The following AHRR variants were observed in gnomAD, a reference collection of about 807,000 sequenced individuals.
AHRR encodes the protein ahR repressor.
A neutral mutation model predicts 44.0 loss-of-function variants in AHRR; 28 were observed. The ratio of observed to expected loss-of-function variants is 0.64; its 90% CI spans 0.47 to 0.87. The LOEUF (loss-of-function observed/expected upper bound fraction) is 0.87, where lower values mean the gene tolerates loss of function less well. Among genes scored for constraint, AHRR ranks in the 40% least tolerant of loss-of-function variants. AHRR has a pLI of 0.00. For synonymous variants in AHRR, 434 were observed against 407.0 expected, an observed-to-expected ratio of 1.07 and a Z score of -0.80; for missense variants, 990 against 953.9, an observed-to-expected ratio of 1.04 and a Z score of -0.50.
At chr5:407,832 C>G (rs769164621) in intron 4 of AHRR, among the ~76,000 whole-genome samples, 4 of 152,218 alleles carry the variant, frequency 2.6e-5, no homozygotes, top group Non-Finnish European at 5.9e-5. Flanking sequence ...CCACTGAGCC[C>G]GGCCTTACTT....
Position 433,694 on chromosome 5 carries a change from G to C in AHRR, c.1113-159G>C, listed in dbSNP as rs559049667. 2.2e-4 allele frequency among the ~76,000 whole-genome samples: 34 copies of C among 152,216 alleles called. No homozygotes were observed. The South Asian group carries it at 2.5e-3, about 11-fold the overall frequency. On this transcript the variant is annotated intron_variant, in intron 10 of 10. Coordinates refer to ENST00000684583, the MANE Select transcript of AHRR (RefSeq NM_001377236.1). ...GCTGGCACAGCCTCCTGGGCTGCTG[G>C]GGGGGTTAGAAGGCACAGCGCAGTG...
At position 405,513 on chromosome 5, in the gene AHRR, C is replaced by T. The variant is rs1358544561; in HGVS notation, c.352-7831C>T. Among the ~76,000 whole-genome samples, 2 of 152,190 alleles carry T rather than the reference C, an allele frequency of 1.3e-5. No individual in the cohort carries two copies. Among genetic ancestry groups the T allele is most frequent in the Admixed American group, 6.5e-5 (1 of 15,278 alleles). ...GACATCTTCCTCCGAGTGGGAGGTG[C>T]TTTGTGAGACTTGGGTTTCTTGCTC... On this transcript the variant is annotated intron_variant, in intron 4 of 10. Coordinates refer to ENST00000684583, the MANE Select transcript of AHRR (RefSeq NM_001377236.1). This position sits in a 1 kb window ranked among gnomAD's most constrained non-coding sequence, Gnocchi z 4.5.
chr5:420,942 A>C (rs72711370), intron 5 of AHRR: 80,733 of 204,178 alleles, frequency 0.4, 12,389 homozygotes, highest in Non-Finnish European at 0.46. Flanking sequence ...CCACCCACCC[A>C]CACAGGCGCA....
intron 4 of AHRR, among the ~76,000 whole-genome samples, chr5:389,648 C>T (rs1004125073): frequency 6.6e-6 from 1 of 151,926 alleles, no homozygotes; most frequent in African/African-American, 2.4e-5. Flanking sequence ...CCCAGACCAG[C>T]GTCAGAGCAC....
rs1358642563 is a variant in AHRR, at chr5:395,578, A to G, written c.352-17766A>G. Among the ~76,000 whole-genome samples, 1 of 152,202 alleles carries G rather than the reference A, an allele frequency of 6.6e-6. No individual in the cohort carries two copies. The highest frequency in any genetic ancestry group is 1.5e-5 in the Non-Finnish European group (1 of 68,046). ...AGTGGCAGCCGAGCAGGGCCTCACA[A>G]AAACAGCTGTGAGAACAGCCTTGCG... On this transcript the variant is annotated intron_variant, in intron 4 of 10. Transcript: ENST00000684583. The surrounding 1 kb of genome is among the most constrained non-coding windows in gnomAD (Gnocchi z 5.3).
Position 395,633 on chromosome 5 carries a change from C to T in AHRR, c.352-17711C>T, listed in dbSNP as rs563073460. 2.2e-4 allele frequency among the ~76,000 whole-genome samples: 33 copies of T among 152,354 alleles called. No individual in the cohort carries two copies. Among genetic ancestry groups the T allele is most frequent in the Admixed American group, 1.4e-3 (21 of 15,306 alleles). On this transcript the variant is annotated intron_variant, in intron 4 of 10. Transcript: ENST00000684583. This position sits in a 1 kb window ranked among gnomAD's most constrained non-coding sequence, Gnocchi z 5.3. The stretch of plus-strand genomic sequence containing the variant: ...TGGAAGCCCCAAGCCGCTCGGCAGA[C>T]GGTCATCGGGCCGCGCTGCTGCTCT...
intron 1 of AHRR, among the ~76,000 whole-genome samples, chr5:341,306 C>T (rs149803752): frequency 1.3e-4 from 20 of 152,344 alleles, no homozygotes; most frequent in East Asian, 9.6e-4. Context: ...TAAGCCACTG[C>T]GCCTGGCCTC....
rs1378701734 is a variant in AHRR at position 383,025 on chromosome 5, G to T, written c.351+6309G>T. Among the ~76,000 whole-genome samples, 1 of 152,102 alleles carries T rather than the reference G, an allele frequency of 6.6e-6. No individual in the cohort carries two copies. The highest frequency in any genetic ancestry group is 2.4e-5 in the African/African-American group (1 of 41,410). ...TTACTTGGAACTTTCTCTTCAACTT[G>T]TGTTATTTAGAAGTATGTTGTTTAA... On this transcript the variant is annotated intron_variant, in intron 4 of 10. Transcript: ENST00000684583. This position sits in a 1 kb window ranked among gnomAD's most constrained non-coding sequence, Gnocchi z 4.0.
intron 4 of AHRR, among the ~76,000 whole-genome samples, chr5:377,152 G>T (rs1733756091): frequency 6.6e-6 from 1 of 152,168 alleles, no homozygotes; most frequent in African/African-American, 2.4e-5. Context: ...GAAGCTGTGG[G>T]CCTGGGCAGG....
intron 5 of AHRR, chr5:420,986 C>G (rs1301443969): frequency 3.0e-6 from 1 of 337,602 alleles, no homozygotes; most frequent in African/African-American, 2.7e-5. Context: ...CCAAAATATA[C>G]ACGATGGTTC....
At chr5:418,503 T>C (rs938606966) in intron 5 of AHRR, among the ~76,000 whole-genome samples, 2 of 152,208 alleles carry the variant, frequency 1.3e-5, no homozygotes, top group African/African-American at 4.8e-5. Context: ...TGGCCTCGGT[T>C]CAGCAGCAGA....
intron 4 of AHRR, among the ~76,000 whole-genome samples, chr5:381,232 G>A (rs1687918803): frequency 6.6e-6 from 1 of 152,196 alleles, no homozygotes; most frequent in Non-Finnish European, 1.5e-5. Flanking sequence ...AACACTCTCA[G>A]AAACAATTCT....
intron 3 of AHRR, among the ~76,000 whole-genome samples, chr5:374,438 G>A (rs554208923): frequency 0.011 from 1,751 of 152,388 alleles, 25 homozygotes; most frequent in South Asian, 0.053. Context: ...AGCCTGGAGG[G>A]CAGGAGGCTA....
intron 4 of AHRR, among the ~76,000 whole-genome samples, chr5:409,750 A>C (rs1735399826): frequency 6.6e-6 from 1 of 151,906 alleles, no homozygotes; most frequent in Non-Finnish European, 1.5e-5. Flanking sequence ...TCTGTGGCTT[A>C]TCTCTTCATT....
chr5:402,937 A>G (rs1213514265), intron 4 of AHRR, among the ~76,000 whole-genome samples: 1 of 152,176 alleles, frequency 6.6e-6, no homozygotes, highest in African/African-American at 2.4e-5. Context: ...GAAATAAGTC[A>G]TGCACAGACA....
chr5:427,351 A>C (rs11746538), intron 7 of AHRR, among the ~76,000 whole-genome samples: 135,449 of 152,284 alleles, frequency 0.89, 60,679 homozygotes, highest in African/African-American at 0.97. Context: ...TAAATTTCAT[A>C]ATTACAAATG....
chr5:378,294 A>T (rs1733828883), intron 4 of AHRR, among the ~76,000 whole-genome samples: 1 of 152,240 alleles, frequency 6.6e-6, no homozygotes, highest in South Asian at 2.1e-4. Context: ...CTAAATCCAT[A>T]AACCGCCTTG....
chr5:343,495 T>TACCTTCTCG (rs1410751901), intron 1 of AHRR: 10 of 239,052 alleles, frequency 4.2e-5, no homozygotes, highest in Non-Finnish European at 6.4e-5. Context: ...GGATCCCGCG[T>TACCTTCTCG]GACGAGTGTT....
At chr5:390,228 G>C (rs932404598) in intron 4 of AHRR, among the ~76,000 whole-genome samples, 2 of 152,184 alleles carry the variant, frequency 1.3e-5, no homozygotes, top group Non-Finnish European at 2.9e-5. Context: ...CAAAGGGTAA[G>C]TGCTGAGGGA....
Sources: allele counts gnomAD v4.1 joint callset (sites outside exome capture counted in the v4.1 genomes callset), GRCh38; gene constraint gnomAD v4.1.1; non-coding constraint Gnocchi (gnomAD v3.1); transcripts MANE v1.5; gene names NCBI Gene and HGNC (gene_info 2026-07-23, HGNC 2026-07-21).